CA8: variants seen among roughly 807,000 people sequenced by gnomAD.
CA8 encodes carbonic anhydrase 8 (inactive).
A neutral mutation model predicts 41.4 loss-of-function variants in CA8; 22 were observed. The observed-to-expected ratio is 0.53, with a 90% CI of 0.38 to 0.76. CA8 has a LOEUF of 0.76. Among genes scored for constraint, CA8 ranks in the 30% least tolerant of loss-of-function variants. The pLI is 0.00. For synonymous variants in CA8, 121 were observed against 130.6 expected (o/e 0.93, Z 0.50); for missense variants, 270 against 352.8 (o/e 0.77, Z 1.88).
At chr8:60,229,161 T>G (rs568294190) in intron 4 of CA8, among the ~76,000 whole-genome samples, 154 of 35,150 alleles carry the variant, frequency 4.4e-3, no homozygotes, top group Non-Finnish European at 3.6e-3. Context: ...GAACCACCTG[T>G]TTTTTTTTTG....
chr8:60,215,147 T>G (rs1406739628), intron 7 of CA8, among the ~76,000 whole-genome samples: 1 of 152,220 alleles, frequency 6.6e-6, no homozygotes. Flanking sequence ...TTAATGACTC[T>G]GTGAAATCAG....
Position 60,185,795 on chromosome 8 carries a change from A to T in CA8, c.*4226T>A, listed in dbSNP as rs182058740. Among the ~76,000 whole-genome samples the T allele has an allele frequency of 9.9e-5, 15 of 152,136 alleles. No homozygotes were observed. Among genetic ancestry groups the T allele is most frequent in the Non-Finnish European group, 2.1e-4 (14 of 67,940 alleles). ...GATTTGCCTTATATAAAAATATATT[A>T]AAAAAAGGACTTCTGCCTGGAATGA... On this transcript the variant is annotated 3_prime_UTR_variant, in exon 9 of 9. Transcript: ENST00000317995.
At chr8:60,200,035 A>G (rs4128419) in intron 8 of CA8, among the ~76,000 whole-genome samples, 118,790 of 152,102 alleles carry the variant, frequency 0.78, 46,684 homozygotes, top group Middle Eastern at 0.85. Flanking sequence ...GATGAGGTGA[A>G]GCCTTAGAGA....
At chr8:60,204,178 C>T (rs962802036) in intron 8 of CA8, among the ~76,000 whole-genome samples, 1 of 152,260 alleles carries the variant, frequency 6.6e-6, no homozygotes, top group Admixed American at 6.5e-5. Flanking sequence ...TACTTGAAAG[C>T]CATTTTTTAA....
At position 60,208,888 on chromosome 8, in the gene CA8, A is replaced by C; in HGVS notation, c.770T>G (p.Val257Gly). The change falls in exon 8 of 9, where the codon GTT (valine) becomes GGT (glycine). Residue 257 changes from valine (V) to glycine (G), a missense_variant. Coordinates refer to ENST00000317995, the MANE Select transcript of CA8 (RefSeq NM_004056.6). ...IEEFRRLRTH[V>G]KGAELVEGCD... ...GCCTTCCACAAGTTCTGCCCCCTTA[A>C]CATGTGTCCTCAGCCTTCGAAATTC... 6.2e-7 allele frequency: 1 copy of C among 1,614,156 alleles called. No individual in the cohort carries two copies. The highest frequency in any genetic ancestry group is 8.5e-7 in the Non-Finnish European group (1 of 1,180,022).
chr8:60,207,746 C>G (rs552570071), intron 8 of CA8, among the ~76,000 whole-genome samples: 1 of 152,134 alleles, frequency 6.6e-6, no homozygotes, highest in Non-Finnish European at 1.5e-5. Flanking sequence ...CAGACTTCTT[C>G]GTTTTTTTGT....
At chr8:60,268,044 C>A (rs546072042) in intron 2 of CA8, among the ~76,000 whole-genome samples, 23 of 152,232 alleles carry the variant, frequency 1.5e-4, no homozygotes, top group African/African-American at 4.6e-4. Context: ...GTGTACCCCA[C>A]CTCCCAAACC....
chr8:60,235,675 G>A (rs535831670), intron 3 of CA8, among the ~76,000 whole-genome samples: 22 of 152,286 alleles, frequency 1.4e-4, no homozygotes, highest in Non-Finnish European at 2.4e-4. Context: ...AAAATTATAA[G>A]TGCTTTTGAA....
At chr8:60,256,133 C>G (rs900387635) in intron 3 of CA8, among the ~76,000 whole-genome samples, 1 of 152,134 alleles carries the variant, frequency 6.6e-6, no homozygotes. Flanking sequence ...TGGTTTTGAA[C>G]TCCTGACCTC....
intron 3 of CA8, among the ~76,000 whole-genome samples, chr8:60,245,409 T>C (rs1808193765): frequency 6.6e-6 from 1 of 152,218 alleles, no homozygotes; most frequent in Admixed American, 6.5e-5. Context: ...TCCTTATTTA[T>C]ATAAGTTTTG....
intron 3 of CA8, among the ~76,000 whole-genome samples, chr8:60,248,155 C>T (rs1374979382): frequency 6.6e-6 from 1 of 151,672 alleles, no homozygotes; most frequent in African/African-American, 2.4e-5. Context: ...GATATTAGAC[C>T]TTGTCAGATG....
intron 2 of CA8, among the ~76,000 whole-genome samples, chr8:60,268,088 T>C (rs1803957309): frequency 6.6e-6 from 1 of 152,082 alleles, no homozygotes. Context: ...AATACACCCC[T>C]TGCCACCCCC....
intron 2 of CA8, among the ~76,000 whole-genome samples, chr8:60,274,686 C>T (rs1804176622): frequency 6.6e-6 from 1 of 152,124 alleles, no homozygotes; most frequent in Admixed American, 6.5e-5. Flanking sequence ...AGCACCGAAG[C>T]ACCATGTACA....
intron 3 of CA8, among the ~76,000 whole-genome samples, chr8:60,246,188 G>A (rs1425297724): frequency 6.6e-6 from 1 of 152,024 alleles, no homozygotes; most frequent in African/African-American, 2.4e-5. Context: ...TATCATCCCA[G>A]CCATCTAAAG....
chr8:60,236,496 A>G (rs555731277), intron 3 of CA8, among the ~76,000 whole-genome samples: 3 of 152,338 alleles, frequency 2.0e-5, no homozygotes, highest in African/African-American at 7.2e-5. Flanking sequence ...AAACAAAAAA[A>G]AAGTATGGCA....
At chr8:60,274,439 A>C (rs1234050593) in intron 2 of CA8, among the ~76,000 whole-genome samples, 1 of 152,242 alleles carries the variant, frequency 6.6e-6, no homozygotes, top group Non-Finnish European at 1.5e-5. Context: ...AACTACAGGA[A>C]GAAGGCCACA....
chr8:60,272,615 A>G (rs1804108171), intron 2 of CA8, among the ~76,000 whole-genome samples: 2 of 152,148 alleles, frequency 1.3e-5, no homozygotes, highest in South Asian at 4.2e-4. Flanking sequence ...CAGGCTCCCC[A>G]TATCCAAATG....
rs1806026265 is a variant in CA8 at position 60,188,586 on chromosome 8, C to T, written c.*1435G>A. The T allele has an allele frequency of 6.6e-6, 1 of 152,200 alleles. No individual in the cohort carries two copies. The highest frequency in any genetic ancestry group is 1.5e-5 in the Non-Finnish European group (1 of 68,048). 9.4% of individuals were successfully genotyped at this position (152,200 alleles called of 1,614,324 possible). ...TTCACCGTTTCCTCATTGTTGGACA[C>T]TAGGAACTGTTATACACAAGGGAAG... On this transcript the variant is annotated 3_prime_UTR_variant, in exon 9 of 9. Transcript: ENST00000317995.
chr8:60,230,515 C>T (rs143604736), intron 4 of CA8, among the ~76,000 whole-genome samples: 342 of 152,122 alleles, frequency 2.2e-3, no homozygotes, highest in Non-Finnish European at 4.3e-3. Context: ...CCGACCTCCT[C>T]CCTCCAAATT....
Sources: allele counts gnomAD v4.1 joint callset (sites outside exome capture counted in the v4.1 genomes callset), GRCh38; gene constraint gnomAD v4.1.1; transcripts MANE v1.5; gene names NCBI Gene and HGNC (gene_info 2026-07-23, HGNC 2026-07-21).